The following SERGEF variants were observed in gnomAD, a reference collection of about 807,000 sequenced individuals.
SERGEF encodes secretion regulating guanine nucleotide exchange factor.
In SERGEF, 51 loss-of-function variants were observed where a neutral mutation model predicts 50.0. The ratio of observed to expected loss-of-function variants is 1.02; its 90% confidence interval spans 0.81 to 1.29. The LOEUF is 1.29. SERGEF is among the 50% of genes most tolerant of loss of function. SERGEF has a pLI of 0.00. For synonymous variants in SERGEF, 205 were observed against 212.4 expected, an observed-to-expected ratio of 0.97 and a Z score of 0.30; for missense variants, 521 against 557.0, an observed-to-expected ratio of 0.94 and a Z score of 0.65.
intron 10 of SERGEF, among the ~76,000 whole-genome samples, chr11:17,867,844 G>C (rs950619075): frequency 6.6e-6 from 1 of 152,224 alleles, no homozygotes; most frequent in African/African-American, 2.4e-5. Context: ...CTTGAGGCTT[G>C]TACCCACTGA....
At chr11:17,834,248 CATTT>C (rs1375335956) in intron 10 of SERGEF, among the ~76,000 whole-genome samples, 1 of 152,174 alleles carries the variant, frequency 6.6e-6, no homozygotes, top group Admixed American at 6.5e-5. Flanking sequence ...CAAGCTCTCT[CATTT>C]TTTTGCCTGT....
At chr11:17,835,130 T>A (rs1850377052) in intron 10 of SERGEF, among the ~76,000 whole-genome samples, 1 of 152,166 alleles carries the variant, frequency 6.6e-6, no homozygotes, top group African/African-American at 2.4e-5. Context: ...AAATACAAAT[T>A]CCTGTTACAG....
At chr11:17,816,719 G>T (rs1849981444) in intron 10 of SERGEF, among the ~76,000 whole-genome samples, 1 of 152,188 alleles carries the variant, frequency 6.6e-6, no homozygotes, top group Non-Finnish European at 1.5e-5. Context: ...TATCCTGGTT[G>T]GGAAATCTGT....
intron 10 of SERGEF, among the ~76,000 whole-genome samples, chr11:17,833,836 T>C (rs1850356419): frequency 6.6e-6 from 1 of 152,218 alleles, no homozygotes; most frequent in Non-Finnish European, 1.5e-5. Flanking sequence ...GGAATGACTG[T>C]ATTTACCCAA....
chr11:17,950,542 G>A (rs1176029052), intron 9 of SERGEF, among the ~76,000 whole-genome samples: 8 of 152,206 alleles, frequency 5.3e-5, no homozygotes, highest in Admixed American at 2.6e-4. Flanking sequence ...CAACTGGGGT[G>A]AAACCAAACT....
chr11:17,891,623 C>T (rs61882440), intron 9 of SERGEF, among the ~76,000 whole-genome samples: 20,500 of 152,236 alleles, frequency 0.13, 1,795 homozygotes, highest in Middle Eastern at 0.27. Context: ...GTGCATATGA[C>T]TCTTCAAATA....
chr11:17,907,657 T>C (rs1330812887), intron 9 of SERGEF, among the ~76,000 whole-genome samples: 1 of 152,150 alleles, frequency 6.6e-6, no homozygotes, highest in East Asian at 1.9e-4. Flanking sequence ...AGAGGGGGAA[T>C]GAGGGTTGCC....
At chr11:17,806,374 T>C (rs750635615) in intron 10 of SERGEF, among the ~76,000 whole-genome samples, 1 of 152,208 alleles carries the variant, frequency 6.6e-6, no homozygotes, top group Non-Finnish European at 1.5e-5. Context: ...TTACCATATA[T>C]CAAGAACTAT....
rs189398884 is a variant in SERGEF, at chr11:17,834,050, G to A, written c.1048+44158C>T. ...TGAGGACACATGAGATTTGGGAGGG[G>A]CCAGGGTGAAATGATATGGTTTAGC... On this transcript the variant is annotated intron_variant, in intron 10 of 10. Transcript: ENST00000265965. 1.4e-3 allele frequency among the ~76,000 whole-genome samples: 217 copies of A among 152,238 alleles called. 2 individuals are homozygous for A. Among genetic ancestry groups the A allele is most frequent in the Non-Finnish European group, 1.4e-3 (93 of 68,016 alleles).
At chr11:17,896,744 TAACGGAAGGGTAAGGG>T (rs1851642128) in intron 9 of SERGEF, among the ~76,000 whole-genome samples, 3 of 81,666 alleles carry the variant, frequency 3.7e-5, no homozygotes, top group Admixed American at 1.4e-4. Context: ...AACGGAAGGG[TAACGGAAGGGTAAGGG>T]AAGGGAAGGG....
intron 3 of SERGEF, among the ~76,000 whole-genome samples, chr11:18,006,220 G>A (rs758460500): frequency 3.9e-5 from 6 of 152,256 alleles, no homozygotes; most frequent in South Asian, 2.1e-4. Context: ...GTGCAGTGGC[G>A]CAATCTCAGT....
chr11:17,805,995 A>G (rs1849752893), intron 10 of SERGEF, among the ~76,000 whole-genome samples: 1 of 152,228 alleles, frequency 6.6e-6, no homozygotes, highest in Non-Finnish European at 1.5e-5. Flanking sequence ...AGCCCTGGGA[A>G]GTTTAAGTCC....
chr11:17,924,797 C>T (rs444698), intron 9 of SERGEF, among the ~76,000 whole-genome samples: 150,874 of 152,294 alleles, frequency 0.99, 74,801 homozygotes, highest in Non-Finnish European at 1. Flanking sequence ...GACTTCTTCA[C>T]ATAAAGTGTA....
intron 10 of SERGEF, among the ~76,000 whole-genome samples, chr11:17,806,779 G>A (rs1174743540): frequency 2.6e-5 from 4 of 152,184 alleles, no homozygotes; most frequent in East Asian, 1.9e-4. Flanking sequence ...TCTGGGTGGC[G>A]TGATGACTTT....
intron 9 of SERGEF, among the ~76,000 whole-genome samples, chr11:17,913,589 T>C (rs1469659738): frequency 6.6e-6 from 1 of 152,190 alleles, no homozygotes; most frequent in East Asian, 1.9e-4. Context: ...CCTGTAGAAA[T>C]GCTTCTCTGG....
At chr11:18,010,676 A>T (rs1854176359) in intron 1 of SERGEF, among the ~76,000 whole-genome samples, 1 of 152,142 alleles carries the variant, frequency 6.6e-6, no homozygotes, top group Non-Finnish European at 1.5e-5. Context: ...ATTATATATG[A>T]CTACTTGTTT....
At chr11:17,804,853 AG>A (rs1225408270) in intron 10 of SERGEF, among the ~76,000 whole-genome samples, 2 of 152,220 alleles carry the variant, frequency 1.3e-5, no homozygotes, top group Non-Finnish European at 2.9e-5. Context: ...AACTTCCAGA[AG>A]GTGTTGCAGG....
intron 8 of SERGEF, among the ~76,000 whole-genome samples, chr11:17,978,707 T>G (rs1312656414): frequency 1.3e-5 from 2 of 152,210 alleles, no homozygotes; most frequent in Non-Finnish European, 2.9e-5. Flanking sequence ...ACTCAGGGTG[T>G]GTCCTTATGC....
intron 8 of SERGEF, among the ~76,000 whole-genome samples, chr11:17,972,565 T>C (rs531637486): frequency 6.6e-6 from 1 of 152,382 alleles, no homozygotes; most frequent in Admixed American, 6.5e-5. Flanking sequence ...GTGCATTTAA[T>C]AGGTATAGTA....
Sources: allele counts gnomAD v4.1 joint callset (sites outside exome capture counted in the v4.1 genomes callset), GRCh38; gene constraint gnomAD v4.1.1; transcripts MANE v1.5; gene names NCBI Gene and HGNC (gene_info 2026-07-23, HGNC 2026-07-21).